Variants in CLASP1 observed in about 807,000 individuals in gnomAD.
CLASP1 encodes the protein CLIP-associating protein 1.
CLASP1 carries 38 observed loss-of-function variants against 192.3 expected under a neutral mutation model. The observed-to-expected ratio is 0.20, with a 90% CI of 0.15 to 0.26. The LOEUF is 0.26. Ranked by LOEUF, CLASP1 falls within the 10% of genes least tolerant of loss-of-function variation. The probability of loss-of-function intolerance (pLI) is 1.00; values close to 1 mark genes in which losing one functional copy is unlikely to be tolerated. For missense variants in CLASP1, 1,433 were observed against 1,932.5 expected (o/e 0.74, Z 4.85); for synonymous variants, 691 against 712.8 (o/e 0.97, Z 0.49).
chr2:121,612,246 T>TGAG (rs1269067888), intron 1 of CLASP1, among the ~76,000 whole-genome samples: 9 of 82,194 alleles, frequency 1.1e-4, no homozygotes, highest in African/African-American at 4.5e-4. Flanking sequence ...AAGAGGAGCA[T>TGAG]GAGGAGGAGG....
intron 2 of CLASP1, among the ~76,000 whole-genome samples, chr2:121,566,313 C>T (rs1360215892): frequency 6.6e-6 from 1 of 152,214 alleles, no homozygotes; most frequent in Non-Finnish European, 1.5e-5. Context: ...TGTGAATTCC[C>T]ATGTTTATAA....
intron 1 of CLASP1, among the ~76,000 whole-genome samples, chr2:121,645,759 C>T (rs2073064278): frequency 6.6e-6 from 1 of 152,150 alleles, no homozygotes; most frequent in East Asian, 1.9e-4. Context: ...GAAGAAATGT[C>T]ACCATTTGAG....
chr2:121,568,457 A>G (rs975959900), intron 2 of CLASP1, among the ~76,000 whole-genome samples: 2 of 151,898 alleles, frequency 1.3e-5, no homozygotes, highest in African/African-American at 4.8e-5. Context: ...TAGACGAGCA[A>G]AAGAACAAAT....
At chr2:121,408,013 A>G (rs1279796939) in intron 24 of CLASP1, among the ~76,000 whole-genome samples, 1 of 152,230 alleles carries the variant, frequency 6.6e-6, no homozygotes, top group Non-Finnish European at 1.5e-5. Context: ...ACTGGGCTGC[A>G]TGACTTCTGA....
chr2:121,611,207 T>A (rs1407127834), intron 1 of CLASP1, among the ~76,000 whole-genome samples: 297 of 47,862 alleles, frequency 6.2e-3, no homozygotes, highest in Middle Eastern at 0.015. Context: ...GAGGAGGAGG[T>A]GGAGGAGTTA....
rs1051957961 is a variant in CLASP1, at chr2:121,503,911, A to C, written c.645-677T>G. 3.2e-4 allele frequency: 48 copies of C among 152,290 alleles called. 1 individual carries two copies. The highest frequency in any genetic ancestry group is 1.2e-3 in the African/African-American group (48 of 41,554). 9.4% of individuals were successfully genotyped at this position (152,290 alleles called of 1,614,324 possible). A position where few individuals can be genotyped will look rare whatever the true frequency, so the allele number is the denominator to read the frequency against. On this transcript the variant is annotated intron_variant, in intron 7 of 39. Coordinates refer to ENST00000263710, the Ensembl canonical transcript of CLASP1. ...GGAAAAGGTGGGAGAATGCAATCAT[A>C]ATTAGTAGAAAAAGTTAAGAAAAAA...
chr2:121,349,194 C>T (rs1042674763), intron 37 of CLASP1, among the ~76,000 whole-genome samples: 16 of 151,652 alleles, frequency 1.1e-4, no homozygotes, highest in African/African-American at 3.6e-4. Context: ...GAGCCAAGAT[C>T]GCGCCACCGC....
At chr2:121,404,266 C>T (rs780952929) in intron 26 of CLASP1, 105 bp downstream of exon 27, 46 of 1,510,736 alleles carry the variant, frequency 3.0e-5, no homozygotes, top group Non-Finnish European at 3.9e-5. Flanking sequence ...TCTGTAAGGT[C>T]GGAACTGCAC....
At chr2:121,427,880 C>G (rs2080719142) in intron 20 of CLASP1, among the ~76,000 whole-genome samples, 1 of 151,982 alleles carries the variant, frequency 6.6e-6, no homozygotes, top group African/African-American at 2.4e-5. Context: ...ATTAAGGGCC[C>G]TAAATCTAAT....
chr2:121,383,745 A>G (rs774933318), intron 32 of CLASP1, among the ~76,000 whole-genome samples: 8 of 151,374 alleles, frequency 5.3e-5, no homozygotes, highest in Non-Finnish European at 8.8e-5. Flanking sequence ...GCCCCTTGCA[A>G]CTCAGTTTTT....
chr2:121,392,055 G>A (rs1018257862), intron 30 of CLASP1, among the ~76,000 whole-genome samples: 4 of 152,080 alleles, frequency 2.6e-5, no homozygotes, highest in Non-Finnish European at 5.9e-5. Flanking sequence ...ATCTTTTGAA[G>A]GCAATTTATG....
chr2:121,510,848 C>T lies in CLASP1; in HGVS notation c.644+4817G>A, dbSNP rs578089476. Reference sequence around the variant, plus strand: ...TAATTTTAAAAATTAAATAAATGGACGAATGAATGAATGAATGAATGAACC... The same window carrying T: ...TAATTTTAAAAATTAAATAAATGGATGAATGAATGAATGAATGAATGAACC... On this transcript the variant is annotated intron_variant, in intron 7 of 39. Transcript: ENST00000263710. Among the ~76,000 whole-genome samples, 210 of 151,326 alleles carry T rather than the reference C, an allele frequency of 1.4e-3. 1 individual carries two copies. The highest frequency in any genetic ancestry group is 3.4e-3 in the Middle Eastern group (1 of 294).
intron 26 of CLASP1, chr2:121,402,704 C>A (rs1199938138): frequency 3.9e-6 from 2 of 517,756 alleles, no homozygotes; most frequent in Non-Finnish European, 7.7e-6. Flanking sequence ...GTGTTCTAAA[C>A]CATCTAATAG....
At chr2:121,388,984 A>G (rs1343177130) in intron 30 of CLASP1, among the ~76,000 whole-genome samples, 1 of 152,212 alleles carries the variant, frequency 6.6e-6, no homozygotes, top group African/African-American at 2.4e-5. Context: ...AAACATCACA[A>G]AATATTTCAA....
At chr2:121,614,520 A>G (rs976211920) in intron 1 of CLASP1, among the ~76,000 whole-genome samples, 2 of 152,108 alleles carry the variant, frequency 1.3e-5, no homozygotes, top group African/African-American at 4.8e-5. Context: ...AACAAAAAAC[A>G]AAAACAAAAG....
chr2:121,346,629 TG>T (rs1288037552), intron 39 of CLASP1, among the ~76,000 whole-genome samples: 3 of 152,216 alleles, frequency 2.0e-5, no homozygotes, highest in African/African-American at 7.2e-5. Flanking sequence ...AGGGCTGCCC[TG>T]TAGGCTCAAG....
chr2:121,520,705 A>G (rs998023842), intron 6 of CLASP1, among the ~76,000 whole-genome samples: 4 of 152,222 alleles, frequency 2.6e-5, no homozygotes, highest in Non-Finnish European at 4.4e-5. Context: ...ATGAAATCAA[A>G]AGTCTTCAGG....
Position 121,478,662 on chromosome 2 carries a change from C to A in CLASP1, c.713-8702G>T, listed in dbSNP as rs866924569. Among the ~76,000 whole-genome samples, 113 of 76,254 alleles carry A rather than the reference C, an allele frequency of 1.5e-3. 1 individual carries two copies. Among genetic ancestry groups the A allele is most frequent in the African/African-American group, 5.1e-3 (86 of 16,736 alleles). 50.0% of individuals were successfully genotyped at this position (76,254 alleles called of 152,430 possible). ...ACACACACCCCCCACACACACACAC[C>A]CCCCACACACACCACACACACACCC... On this transcript the variant is annotated intron_variant, in intron 8 of 39. Transcript: ENST00000263710.
chr2:121,397,003 G>A (rs978620375), intron 30 of CLASP1, 137 bp downstream of exon 31: 3 of 757,020 alleles, frequency 4.0e-6, no homozygotes, highest in African/African-American at 3.5e-5. Flanking sequence ...CAGAGCTGGA[G>A]AGAGAAAAGG....
Sources: allele counts gnomAD v4.1 joint callset (sites outside exome capture counted in the v4.1 genomes callset), GRCh38; gene constraint gnomAD v4.1.1; transcripts MANE v1.5; gene names NCBI Gene and HGNC (gene_info 2026-07-23, HGNC 2026-07-21).